The following CAST variants were observed in gnomAD, a reference collection of about 807,000 sequenced individuals.
CAST encodes MIR583 host.
In CAST, 76 loss-of-function variants were observed where a neutral mutation model predicts 119.6. That is an observed-to-expected ratio of 0.64 (90% CI 0.53 to 0.77). CAST has a LOEUF of 0.77. Ranked by LOEUF, CAST falls within the 30% of genes least tolerant of loss-of-function variation. CAST has a pLI of 0.00. For synonymous variants in CAST, 319 were observed against 331.6 expected (o/e 0.96, Z 0.41); for missense variants, 953 against 946.5 (o/e 1.01, Z -0.09).
chr5:96,157,334 T>C, the CAST span, among the ~76,000 whole-genome samples: 1 of 152,232 alleles, frequency 6.6e-6, no homozygotes, highest in South Asian at 2.1e-4. Flanking sequence ...CCTCCAGCTT[T>C]ATAATTTGGA....
the CAST span, among the ~76,000 whole-genome samples, chr5:96,217,726 A>C: frequency 6.6e-6 from 1 of 152,204 alleles, no homozygotes; most frequent in Non-Finnish European, 1.5e-5. Flanking sequence ...GACCCAAAAT[A>C]ATACAGGCTC....
At chr5:96,235,302 T>C in the CAST span, among the ~76,000 whole-genome samples, 3 of 152,194 alleles carry the variant, frequency 2.0e-5, no homozygotes, top group African/African-American at 7.2e-5. Context: ...ACTAACTCAT[T>C]GTGTGGCTTT....
intron 1 of CAST, among the ~76,000 whole-genome samples, chr5:96,558,373 A>G (rs10062719): frequency 0.32 from 44,655 of 138,160 alleles, 6,856 homozygotes; most frequent in East Asian, 0.59. Context: ...AACTGAAGGA[A>G]ATAGAGACAC....
At chr5:96,636,552 T>A (rs1416691694) in intron 1 of CAST, among the ~76,000 whole-genome samples, 1 of 146,076 alleles carries the variant, frequency 6.8e-6, no homozygotes. Flanking sequence ...CAAAAAAAAA[T>A]GATAAAATTC....
chr5:96,341,380 G>GT, the CAST span, among the ~76,000 whole-genome samples: 3,017 of 51,588 alleles, frequency 0.058, 107 homozygotes, highest in African/African-American at 0.19. Context: ...TTGTTGTTTT[G>GT]TTTTTTACAA....
chr5:96,662,344 C>G, upstream of CAST: 1 of 1,224,032 alleles, frequency 8.2e-7, no homozygotes, highest in Non-Finnish European at 1.0e-6. Flanking sequence ...TCCCTCTCTC[C>G]CTGGCAGGAC....
At chr5:96,453,468 C>T in the CAST span, among the ~76,000 whole-genome samples, 14 of 152,202 alleles carry the variant, frequency 9.2e-5, no homozygotes, top group African/African-American at 3.1e-4. Context: ...AATTTCTTTA[C>T]GAAATCAAGA....
chr5:96,077,373 AT>A, the CAST span, among the ~76,000 whole-genome samples: 14 of 152,132 alleles, frequency 9.2e-5, no homozygotes, highest in African/African-American at 2.9e-4. Flanking sequence ...TTTTATGTAT[AT>A]TTGGTATTAT....
At chr5:96,698,371 A>C (rs548181187) in intron 3 of CAST, among the ~76,000 whole-genome samples, 1 of 152,338 alleles carries the variant, frequency 6.6e-6, no homozygotes, top group East Asian at 1.9e-4. Flanking sequence ...AACAGCAAAC[A>C]TGAAATTCTT....
chr5:96,258,677 G>A, the CAST span, among the ~76,000 whole-genome samples: 1 of 152,076 alleles, frequency 6.6e-6, no homozygotes, highest in Non-Finnish European at 1.5e-5. Flanking sequence ...GAGAAAACCA[G>A]GTCACTTTAT....
the CAST span, among the ~76,000 whole-genome samples, chr5:96,331,847 T>G: frequency 6.6e-6 from 1 of 152,330 alleles, no homozygotes; most frequent in African/African-American, 2.4e-5. Flanking sequence ...CTAACTGGTT[T>G]TGCTTTTTCA....
chr5:96,081,775 G>A, the CAST span, among the ~76,000 whole-genome samples: 1 of 152,176 alleles, frequency 6.6e-6, no homozygotes, highest in Admixed American at 6.5e-5. Flanking sequence ...GACCTCCATT[G>A]TTAAAGTTAA....
At chr5:96,303,207 A>C in the CAST span, among the ~76,000 whole-genome samples, 2 of 152,124 alleles carry the variant, frequency 1.3e-5, no homozygotes, top group African/African-American at 2.4e-5. Flanking sequence ...AAACATCCAA[A>C]TATTATGAGA....
intron 1 of CAST, among the ~76,000 whole-genome samples, chr5:96,619,819 A>G (rs916019081): frequency 1.3e-5 from 2 of 152,168 alleles, no homozygotes; most frequent in African/African-American, 2.4e-5. Flanking sequence ...TTTCCGACAC[A>G]TTAGCATTAC....
chr5:96,567,133 A>G (rs1746481182), intron 1 of CAST, among the ~76,000 whole-genome samples: 2 of 152,182 alleles, frequency 1.3e-5, no homozygotes, highest in African/African-American at 4.8e-5. Flanking sequence ...ACAGCCTTCT[A>G]GCTACTCTCT....
intron 1 of CAST, among the ~76,000 whole-genome samples, chr5:96,552,781 C>A (rs1445408985): frequency 2.0e-5 from 3 of 152,144 alleles, no homozygotes; most frequent in Non-Finnish European, 4.4e-5. Context: ...ACTATAAACA[C>A]CTCTATGCAA....
chr5:96,538,293 G>A (rs1745854082), intron 1 of CAST, among the ~76,000 whole-genome samples: 1 of 152,158 alleles, frequency 6.6e-6, no homozygotes, highest in Non-Finnish European at 1.5e-5. Context: ...GGAGGTGAGT[G>A]AATAGTAATT....
intron 1 of CAST, among the ~76,000 whole-genome samples, chr5:96,558,357 G>C (rs1434512975): frequency 6.6e-6 from 1 of 150,448 alleles, no homozygotes; most frequent in Non-Finnish European, 1.5e-5. Flanking sequence ...ACTAAGATCA[G>C]AGCAGAACTG....
the CAST span, among the ~76,000 whole-genome samples, chr5:96,284,708 G>A: frequency 6.8e-6 from 1 of 148,130 alleles, no homozygotes; most frequent in Admixed American, 6.9e-5. Flanking sequence ...AATACCAGGA[G>A]GAAAGTCATA....
Sources: gnomAD v4.1 joint callset for allele counts (sites outside exome capture counted in the v4.1 genomes callset) on GRCh38, gnomAD v4.1.1 for gene constraint, MANE v1.5 for transcripts, NCBI Gene and HGNC (gene_info 2026-07-23, HGNC 2026-07-21) for gene names.